GLB1: variants seen among roughly 807,000 people sequenced by gnomAD.
GLB1 encodes the protein beta-galactosidase.
In GLB1, 56 loss-of-function variants were observed where a neutral mutation model predicts 74.0. The ratio of observed to expected loss-of-function variants is 0.76; its 90% CI spans 0.61 to 0.94. The LOEUF is 0.94. Ranked by LOEUF, GLB1 falls within the 40% of genes least tolerant of loss-of-function variation. The pLI is 0.00. For synonymous variants in GLB1, 323 were observed against 323.6 expected, an observed-to-expected ratio of 1.00 and a Z score of 0.02; for missense variants, 787 against 845.5, an observed-to-expected ratio of 0.93 and a Z score of 0.86.
chr3:33,049,342 G>T (rs181556494), intron 9 of GLB1, among the ~76,000 whole-genome samples: 1 of 135,220 alleles, frequency 7.4e-6, no homozygotes, highest in East Asian at 1.9e-4. Flanking sequence ...ATATGTGCAG[G>T]ACGTGTAGGT....
At chr3:33,090,088 C>A (rs1450247878) in intron 1 of GLB1, among the ~76,000 whole-genome samples, 1 of 152,116 alleles carries the variant, frequency 6.6e-6, no homozygotes, top group African/African-American at 2.4e-5. Context: ...TTAAAGAGGT[C>A]AAAAATCTGG....
chr3:33,044,407 T>C (rs1167336521), intron 10 of GLB1, among the ~76,000 whole-genome samples: 2 of 151,754 alleles, frequency 1.3e-5, no homozygotes, highest in African/African-American at 2.4e-5. Flanking sequence ...ACAGCAGTAC[T>C]TGAAGGAAAT....
intron 9 of GLB1, among the ~76,000 whole-genome samples, chr3:33,046,944 G>A (rs536759342): frequency 6.6e-6 from 1 of 152,272 alleles, no homozygotes; most frequent in South Asian, 2.1e-4. Flanking sequence ...GGCCTGTGCT[G>A]AGCTGCCTCA....
the GLB1 span, among the ~76,000 whole-genome samples, chr3:32,978,388 CA>C: frequency 0.74 from 110,413 of 149,558 alleles, 42,721 homozygotes; most frequent in East Asian, 0.92. Context: ...AATTAAAAAA[CA>C]AAAAAAAAAA....
chr3:33,045,480 G>A, intron 10 of GLB1: 2 of 988,470 alleles, frequency 2.0e-6, no homozygotes, highest in South Asian at 9.2e-5. Flanking sequence ...CTGTATATTG[G>A]GCCACACATA....
the GLB1 span, among the ~76,000 whole-genome samples, chr3:32,981,411 A>AAAAAG: frequency 3.4e-5 from 5 of 148,814 alleles, no homozygotes; most frequent in African/African-American, 1.2e-4. Flanking sequence ...AAAAAAAAAA[A>AAAAAG]AAAAAGAAAA....
intron 1 of GLB1, among the ~76,000 whole-genome samples, chr3:33,080,381 TAA>T (rs1458351178): frequency 6.6e-6 from 1 of 151,492 alleles, no homozygotes; most frequent in Non-Finnish European, 1.5e-5. Context: ...GCCTGGTCTT[TAA>T]AAGTTTTTAA....
intron 15 of GLB1, among the ~76,000 whole-genome samples, chr3:33,010,294 G>A (rs572774650): frequency 4.1e-4 from 63 of 152,244 alleles, no homozygotes; most frequent in African/African-American, 1.3e-3. Flanking sequence ...TGAGTGTGAA[G>A]TAGTATTTCA....
chr3:33,073,565 A>G (rs6770682), intron 1 of GLB1, among the ~76,000 whole-genome samples: 59,287 of 151,746 alleles, frequency 0.39, 14,612 homozygotes, highest in African/African-American at 0.7. Context: ...GTGCACGTCT[A>G]TAATCCCAGC....
intron 14 of GLB1, among the ~76,000 whole-genome samples, chr3:33,014,942 G>C (rs1013211073): frequency 6.6e-6 from 1 of 152,188 alleles, no homozygotes; most frequent in African/African-American, 2.4e-5. Context: ...ACTCCAGCCT[G>C]GGTGTCAGAG....
At chr3:33,001,546 C>G (rs562729729) in intron 15 of GLB1, among the ~76,000 whole-genome samples, 5 of 152,200 alleles carry the variant, frequency 3.3e-5, no homozygotes, top group Admixed American at 2.0e-4. Context: ...TTCATTTTTT[C>G]TTTTTCTTCT....
intron 10 of GLB1, among the ~76,000 whole-genome samples, chr3:33,028,909 C>T (rs571175117): frequency 7.4e-4 from 112 of 152,152 alleles, no homozygotes; most frequent in Middle Eastern, 3.4e-3. Flanking sequence ...TCAGGTGATC[C>T]GCCCGCCTCG....
chr3:32,997,441 G>A, intron 15 of GLB1, 97 bp from the exon 16 acceptor site: 12 of 1,556,964 alleles, frequency 7.7e-6, no homozygotes, highest in South Asian at 1.2e-5. Flanking sequence ...CAGCAATGGA[G>A]GAAAGAAATG....
chr3:33,033,554 A>C (rs902682108), intron 10 of GLB1, among the ~76,000 whole-genome samples: 1 of 152,120 alleles, frequency 6.6e-6, no homozygotes, highest in Non-Finnish European at 1.5e-5. Flanking sequence ...AGGCCCAGGC[A>C]GGTGGATCAC....
downstream of GLB1, among the ~76,000 whole-genome samples, chr3:32,994,993 G>A (rs1696284758): frequency 6.6e-6 from 1 of 151,936 alleles, no homozygotes; most frequent in African/African-American, 2.4e-5. Context: ...AGTGCTGTAG[G>A]TGGGAAAACC....
chr3:33,083,417 A>AAG (rs1700393679), intron 1 of GLB1, among the ~76,000 whole-genome samples: 1 of 146,312 alleles, frequency 6.8e-6, no homozygotes, highest in Non-Finnish European at 1.5e-5. Flanking sequence ...AAAAAAAAAA[A>AAG]GTGGGAATAG....
intron 15 of GLB1, among the ~76,000 whole-genome samples, chr3:32,999,857 C>G (rs1036695931): frequency 1.3e-5 from 2 of 152,142 alleles, no homozygotes; most frequent in African/African-American, 4.8e-5. Context: ...TGCCATGTTG[C>G]CCAGGCTGGT....
chr3:33,048,108 G>C (rs1698815646), intron 9 of GLB1, among the ~76,000 whole-genome samples: 1 of 152,114 alleles, frequency 6.6e-6, no homozygotes, highest in South Asian at 2.1e-4. Context: ...GGCAGAGACT[G>C]TGCCTCACTT....
chr3:33,024,136 G>T, intron 11 of GLB1, 115 bp downstream of exon 11: 2 of 1,224,608 alleles, frequency 1.6e-6, no homozygotes, highest in Non-Finnish European at 2.3e-6. Flanking sequence ...AAACAAATTC[G>T]CAGAAAAATA....
Sources: gnomAD v4.1 joint callset for allele counts (sites outside exome capture counted in the v4.1 genomes callset) on GRCh38, gnomAD v4.1.1 for gene constraint, MANE v1.5 for transcripts, NCBI Gene and HGNC (gene_info 2026-07-23, HGNC 2026-07-21) for gene names.